The following CCDC3 variants were observed in gnomAD, a reference collection of about 807,000 sequenced individuals.
The protein encoded by CCDC3 is coiled-coil domain-containing protein 3.
Under a neutral mutation model 21.4 loss-of-function variants are expected in CCDC3, and 24 were observed. That is an observed-to-expected ratio of 1.12 (90% confidence interval 0.81 to 1.58). The LOEUF is 1.58. Among genes scored for constraint, CCDC3 ranks in the 40% most tolerant of loss-of-function variants. The pLI is 0.00. For missense variants in CCDC3, 425 were observed against 360.9 expected (o/e 1.18, Z -1.44); for synonymous variants, 186 against 166.0 (o/e 1.12, Z -0.93).
chr10:12,988,023 G>C (rs547872489), intron 2 of CCDC3, among the ~76,000 whole-genome samples: 1 of 152,198 alleles, frequency 6.6e-6, no homozygotes, highest in South Asian at 2.1e-4. Context: ...TTTCTGAAAG[G>C]CTCATCACGT....
chr10:12,988,258 T>C (rs1311546706), intron 2 of CCDC3, among the ~76,000 whole-genome samples: 24 of 152,186 alleles, frequency 1.6e-4, no homozygotes, highest in Admixed American at 1.6e-3. Flanking sequence ...CTGGCATGCT[T>C]TTCTGCCTGA....
chr10:13,093,837 C>T (rs2131456874), intron 3 of CCDC3, among the ~76,000 whole-genome samples: 1 of 152,238 alleles, frequency 6.6e-6, no homozygotes, highest in East Asian at 1.9e-4. Context: ...ATTATTTAAT[C>T]CAAAGAAGCT....
chr10:13,086,763 C>T (rs1015658511), intron 3 of CCDC3, among the ~76,000 whole-genome samples: 6 of 152,246 alleles, frequency 3.9e-5, no homozygotes, highest in Middle Eastern at 3.4e-3. Context: ...AAGGTTTCTA[C>T]GATGAGTTTC....
chr10:12,993,727 C>T (rs534724497), intron 2 of CCDC3, among the ~76,000 whole-genome samples: 4 of 152,284 alleles, frequency 2.6e-5, no homozygotes, highest in Admixed American at 1.3e-4. Context: ...ACCATGACAC[C>T]GAACCAGAGA....
chr10:13,018,742 C>T lies in CCDC3; in HGVS notation c.-1-20230G>A, dbSNP rs568583767. ...GTTCAGGAGTTCGAGACCAGCCTGG[C>T]CAATATGGCGAAACCCCGTCTCTAC... On this transcript the variant is annotated intron_variant, in intron 5 of 6. Transcript: ENST00000378839. 1.9e-4 allele frequency among the ~76,000 whole-genome samples: 29 copies of T among 150,780 alleles called. 2 individuals are homozygous for T. Among genetic ancestry groups the T allele is most frequent in the Non-Finnish European group, 3.4e-4 (23 of 67,740 alleles).
chr10:13,026,125 G>C (rs557986255), intron 5 of CCDC3, among the ~76,000 whole-genome samples: 43 of 150,318 alleles, frequency 2.9e-4, no homozygotes, highest in Non-Finnish European at 5.8e-4. Flanking sequence ...AGGTTGCAGT[G>C]AGCCGAGATC....
At chr10:12,986,720 C>T (rs1397099078) in intron 2 of CCDC3, among the ~76,000 whole-genome samples, 1 of 151,522 alleles carries the variant, frequency 6.6e-6, no homozygotes, top group African/African-American at 2.4e-5. Flanking sequence ...TTGCAGTGAG[C>T]CGAGATCGTG....
At chr10:12,911,886 AAATATT>A (rs747598969) in intron 2 of CCDC3, among the ~76,000 whole-genome samples, 7 of 152,238 alleles carry the variant, frequency 4.6e-5, no homozygotes, top group Non-Finnish European at 1.0e-4. Flanking sequence ...TTCTACATTT[AAATATT>A]AATAAGATCA....
At chr10:12,948,523 C>T (rs1834956827) in intron 2 of CCDC3, among the ~76,000 whole-genome samples, 1 of 151,780 alleles carries the variant, frequency 6.6e-6, no homozygotes, top group Non-Finnish European at 1.5e-5. Flanking sequence ...CTCCAGAACC[C>T]CGTGTGTTTT....
chr10:12,920,417 C>T (rs1834432458), intron 2 of CCDC3, among the ~76,000 whole-genome samples: 1 of 152,124 alleles, frequency 6.6e-6, no homozygotes, highest in African/African-American at 2.4e-5. Context: ...ATCACTAAGG[C>T]TTTGGACATC....
At chr10:12,966,453 G>A (rs896881849) in intron 2 of CCDC3, among the ~76,000 whole-genome samples, 3 of 152,072 alleles carry the variant, frequency 2.0e-5, no homozygotes, top group Non-Finnish European at 4.4e-5. Context: ...ACCCCTCCGG[G>A]AACAGGCAGG....
chr10:13,039,728 C>A (rs1457618486), intron 5 of CCDC3, among the ~76,000 whole-genome samples: 3 of 152,098 alleles, frequency 2.0e-5, no homozygotes, highest in Non-Finnish European at 4.4e-5. Flanking sequence ...AAGTAATTCT[C>A]TTTTCCTGGA....
intron 2 of CCDC3, among the ~76,000 whole-genome samples, chr10:12,990,880 C>A (rs577546517): frequency 1.3e-5 from 2 of 152,164 alleles, no homozygotes; most frequent in African/African-American, 2.4e-5. Context: ...ACAGAAAGTT[C>A]ATTGATAAGG....
At chr10:13,022,472 T>C (rs1836158912) in intron 5 of CCDC3, among the ~76,000 whole-genome samples, 1 of 152,220 alleles carries the variant, frequency 6.6e-6, no homozygotes, top group African/African-American at 2.4e-5. Context: ...CACCATCAGC[T>C]GATCCTAGGA....
chr10:13,063,220 T>A (rs1836781987), intron 4 of CCDC3, among the ~76,000 whole-genome samples: 1 of 68,604 alleles, frequency 1.5e-5, no homozygotes, highest in African/African-American at 6.2e-5. Flanking sequence ...ACTCTTTCTC[T>A]ATTGCAGTTC....
chr10:13,060,622 A>T (rs1287256416), intron 4 of CCDC3, among the ~76,000 whole-genome samples: 2 of 152,198 alleles, frequency 1.3e-5, no homozygotes, highest in Non-Finnish European at 2.9e-5. Flanking sequence ...CTCCTGCCTC[A>T]GCCTCCCAAG....
At position 13,079,477 on chromosome 10, in the gene CCDC3, C is replaced by T. The variant is rs540287564; in HGVS notation, c.-502-5377G>A. The stretch of plus-strand genomic sequence containing the variant: ...ATTCCTTAGTCAGGCAGGACTAAAG[C>T]GGGGCCATAAAGCATTCCTTGGTTG... On this transcript the variant is annotated intron_variant, in intron 3 of 6. Coordinates refer to the CCDC3 transcript ENST00000378839. 4.0e-5 allele frequency among the ~76,000 whole-genome samples: 6 copies of T among 151,862 alleles called. No individual in the cohort carries two copies. The South Asian group carries it at 6.3e-4, about 16-fold the overall frequency.
At chr10:13,085,625 C>G (rs1184459988) in intron 3 of CCDC3, among the ~76,000 whole-genome samples, 1 of 152,138 alleles carries the variant, frequency 6.6e-6, no homozygotes, top group Non-Finnish European at 1.5e-5. Flanking sequence ...ATCCTCCCTC[C>G]TTTCCAGGCA....
chr10:13,042,927 A>G (rs1836480894), intron 5 of CCDC3, among the ~76,000 whole-genome samples: 1 of 144,052 alleles, frequency 6.9e-6, no homozygotes, highest in Admixed American at 6.9e-5. Context: ...AAAAAAAAAA[A>G]GAAAAGAAAA....
Sources: gnomAD v4.1 joint callset for allele counts (sites outside exome capture counted in the v4.1 genomes callset) on GRCh38, gnomAD v4.1.1 for gene constraint, MANE v1.5 for transcripts, NCBI Gene and HGNC (gene_info 2026-07-23, HGNC 2026-07-21) for gene names.